The following DCDC1 variants were observed in gnomAD, a reference collection of about 807,000 sequenced individuals.
DCDC1 encodes the protein doublecortin domain containing 1, also known as doublecortin domain-containing protein 1.
Under a neutral mutation model 178.3 loss-of-function variants are expected in DCDC1, and 200 were observed. The ratio of observed to expected loss-of-function variants is 1.12; its 90% CI spans 1.00 to 1.26. DCDC1 has a LOEUF of 1.26. DCDC1 is among the 50% of genes most tolerant of loss of function. The probability of loss-of-function intolerance (pLI) is 0.00; values close to 1 mark genes in which losing one functional copy is unlikely to be tolerated. For missense variants in DCDC1, 1,983 were observed against 1,749.2 expected (o/e 1.13, Z -2.38); for synonymous variants, 690 against 604.8 (o/e 1.14, Z -2.07).
chr11:31,259,814 T>C (rs1052718632), intron 8 of DCDC1, among the ~76,000 whole-genome samples: 2 of 152,196 alleles, frequency 1.3e-5, no homozygotes, highest in African/African-American at 2.4e-5. Context: ...TTGGAAAGAC[T>C]GATGATAATA....
At chr11:31,295,618 C>A (rs1408135627) in intron 6 of DCDC1, among the ~76,000 whole-genome samples, 3 of 152,198 alleles carry the variant, frequency 2.0e-5, no homozygotes, top group Non-Finnish European at 4.4e-5. Flanking sequence ...GAGCAATTCT[C>A]TGGTGTCTTT....
chr11:31,212,731 T>C (rs1349770695), intron 9 of DCDC1, among the ~76,000 whole-genome samples: 2 of 152,214 alleles, frequency 1.3e-5, no homozygotes, highest in East Asian at 3.8e-4. Context: ...CTTTTAGCTA[T>C]TAGGAAATAT....
At chr11:31,263,904 A>G (rs1944966290) in intron 8 of DCDC1, among the ~76,000 whole-genome samples, 1 of 152,212 alleles carries the variant, frequency 6.6e-6, no homozygotes, top group Non-Finnish European at 1.5e-5. Context: ...TCAATAACAT[A>G]TTTAAACTCA....
At chr11:30,919,990 G>A (rs780712313) in intron 25 of DCDC1, among the ~76,000 whole-genome samples, 17 of 152,178 alleles carry the variant, frequency 1.1e-4, no homozygotes, top group South Asian at 2.1e-4. Flanking sequence ...AGTCATTGCT[G>A]TAATTGACTT....
At chr11:30,962,947 C>A (rs79879817) in intron 20 of DCDC1, among the ~76,000 whole-genome samples, 1 of 152,074 alleles carries the variant, frequency 6.6e-6, no homozygotes, top group African/African-American at 2.4e-5. Flanking sequence ...AAAACCATCC[C>A]TTCTTCAACA....
At chr11:31,307,442 G>A in intron 4 of DCDC1, 197 bp downstream of exon 4, 1 of 620,594 alleles carries the variant, frequency 1.6e-6, no homozygotes, top group Non-Finnish European at 2.7e-6. Flanking sequence ...GGGTTGAAGT[G>A]TATCTCATAT....
intron 33 of DCDC1, 118 bp from the exon 34 acceptor site, chr11:30,899,760 G>T (rs1180837489): frequency 6.8e-6 from 5 of 731,760 alleles, no homozygotes; most frequent in Non-Finnish European, 1.0e-5. Context: ...TAATTAAAAG[G>T]TAAGGGTCAT....
At chr11:31,225,941 G>T (rs1393336463) in intron 9 of DCDC1, among the ~76,000 whole-genome samples, 1 of 151,904 alleles carries the variant, frequency 6.6e-6, no homozygotes, top group Non-Finnish European at 1.5e-5. Flanking sequence ...GTATGGTATG[G>T]TTATTGAACA....
At chr11:31,048,859 A>C (rs1232096514) in intron 20 of DCDC1, among the ~76,000 whole-genome samples, 1 of 152,192 alleles carries the variant, frequency 6.6e-6, no homozygotes, top group Non-Finnish European at 1.5e-5. Flanking sequence ...TCCGTCTCAA[A>C]AAAAAAAGGA....
chr11:31,313,892 G>C (rs890305114), intron 3 of DCDC1, among the ~76,000 whole-genome samples: 1 of 152,104 alleles, frequency 6.6e-6, no homozygotes, highest in African/African-American at 2.4e-5. Flanking sequence ...TGGAACCTGG[G>C]CTAATTTTAT....
At position 31,130,437 on chromosome 11, in the gene DCDC1, G is replaced by A. The variant is rs544358913; in HGVS notation, c.1315-2798C>T. Among the ~76,000 whole-genome samples, 3 of 152,098 alleles carry A rather than the reference G, an allele frequency of 2.0e-5. No homozygotes were observed. In the South Asian group the frequency reaches 6.2e-4, roughly 32 times the overall value. ...TGCAGTTCTGCCATTGCTCTCTTCCGCCTGCCCACCCCACCCCATGAAAAC... is the reference window on the plus strand; with the variant it reads ...TGCAGTTCTGCCATTGCTCTCTTCCACCTGCCCACCCCACCCCATGAAAAC... On this transcript the variant is annotated intron_variant, in intron 10 of 38. Transcript: ENST00000684477.
intron 20 of DCDC1, among the ~76,000 whole-genome samples, chr11:30,991,639 C>A (rs1269343027): frequency 6.6e-6 from 1 of 152,136 alleles, no homozygotes; most frequent in East Asian, 1.9e-4. Flanking sequence ...CACATTTGAT[C>A]TCTGCTGTCT....
intron 9 of DCDC1, among the ~76,000 whole-genome samples, chr11:31,226,281 G>GA (rs1974939871): frequency 1.3e-5 from 2 of 150,610 alleles, no homozygotes; most frequent in South Asian, 2.1e-4. Context: ...AAAAGGACTG[G>GA]AAAAAAAATA....
chr11:30,927,127 G>A (rs986464465), intron 22 of DCDC1, among the ~76,000 whole-genome samples: 1 of 152,006 alleles, frequency 6.6e-6, no homozygotes, highest in African/African-American at 2.4e-5. Context: ...TCTTGCTTTG[G>A]ATTTTTGTCT....
At chr11:31,248,108 G>A (rs1943706278) in intron 8 of DCDC1, among the ~76,000 whole-genome samples, 2 of 151,974 alleles carry the variant, frequency 1.3e-5, no homozygotes, top group African/African-American at 4.8e-5. Flanking sequence ...GTTTTAGGGA[G>A]GATAATGCAC....
intron 17 of DCDC1, among the ~76,000 whole-genome samples, chr11:31,080,299 T>A (rs1035659261): frequency 6.6e-6 from 1 of 152,122 alleles, no homozygotes; most frequent in African/African-American, 2.4e-5. Context: ...TGCAGAGAGA[T>A]GAAGTGAGCT....
chr11:31,206,500 G>A (rs779703406), intron 9 of DCDC1, among the ~76,000 whole-genome samples: 14 of 152,234 alleles, frequency 9.2e-5, no homozygotes, highest in African/African-American at 2.6e-4. Flanking sequence ...TGCAACCTCC[G>A]CCTCCCAGGC....
chr11:31,328,202 CT>C lies in DCDC1; in HGVS notation c.78del (p.Val27TyrfsTer16). The C allele has an allele frequency of 6.2e-7, 1 of 1,612,312 alleles. No individual in the cohort carries two copies. Among genetic ancestry groups the C allele is most frequent in the Non-Finnish European group, 8.5e-7 (1 of 1,178,834 alleles). On this transcript the variant is annotated frameshift_variant, in exon 3 of 39. Transcript: ENST00000684477. LOFTEE classifies it high-confidence loss of function. The part of the protein sequence containing the change: ...SSLSLLTEAM[E>X]VLQQSSPEGT... Reference sequence around the variant, plus strand: ...CCTTCAGGGCTACTTTGCTGTAATACTTCCATTGCTTCAGTCAAGAGGGATA... The same window carrying C: ...CCTTCAGGGCTACTTTGCTGTAATACTCCATTGCTTCAGTCAAGAGGGATA...
intron 3 of DCDC1, among the ~76,000 whole-genome samples, chr11:31,327,546 C>G (rs1291679142): frequency 6.6e-6 from 1 of 152,102 alleles, no homozygotes; most frequent in Non-Finnish European, 1.5e-5. Context: ...CTAACAAGTA[C>G]TACCTGCCAT....
Sources: allele counts gnomAD v4.1 joint callset (sites outside exome capture counted in the v4.1 genomes callset), GRCh38; gene constraint gnomAD v4.1.1; transcripts MANE v1.5; gene names NCBI Gene and HGNC (gene_info 2026-07-23, HGNC 2026-07-21).